RXRA: variants seen among roughly 807,000 people sequenced by gnomAD.
RXRA encodes the protein retinoid X receptor alpha, also known as retinoic acid receptor RXR-alpha.
Under a neutral mutation model 44.5 loss-of-function variants are expected in RXRA, and 5 were observed. That is an observed-to-expected ratio of 0.11 (90% CI 0.06 to 0.24). The LOEUF is 0.24. RXRA is among the 10% of genes least tolerant of loss of function. The pLI is 1.00. For synonymous variants in RXRA, 291 were observed against 271.4 expected (o/e 1.07, Z -0.71); for missense variants, 412 against 646.5 (o/e 0.64, Z 3.93).
At chr9:134,382,358 G>A (rs1198065231) in intron 1 of RXRA, among the ~76,000 whole-genome samples, 4 of 152,116 alleles carry the variant, frequency 2.6e-5, no homozygotes, top group African/African-American at 9.7e-5. Context: ...CACCTTGGCT[G>A]GGAGGAGTGA....
intron 3 of RXRA, 44 bp from the exon 4 acceptor site, chr9:134,408,896 G>T: frequency 7.0e-7 from 1 of 1,436,850 alleles, no homozygotes; most frequent in Non-Finnish European, 9.2e-7. Context: ...GCTCCCTGCC[G>T]GGGCGGTGGG....
chr9:134,372,760 C>G (rs1018557396), intron 1 of RXRA, among the ~76,000 whole-genome samples: 6 of 152,188 alleles, frequency 3.9e-5, no homozygotes, highest in African/African-American at 1.4e-4. Context: ...AGCACAGGGC[C>G]CAGCAGGGCG....
At chr9:134,421,590 C>T (rs191826122) in intron 5 of RXRA, 86 bp from the exon 6 acceptor site, 1,571 of 1,435,896 alleles carry the variant, frequency 1.1e-3, no homozygotes, top group Non-Finnish European at 1.3e-3. Context: ...ATGGGCCCAG[C>T]GTGTGGCAGG....
intron 9 of RXRA, among the ~76,000 whole-genome samples, chr9:134,436,087 C>T (rs751133311): frequency 2.0e-5 from 3 of 152,236 alleles, no homozygotes; most frequent in Non-Finnish European, 4.4e-5. Context: ...CTCAAGCCAT[C>T]CTCCCACCTC....
chr9:134,371,075 G>T (rs1014743758), intron 1 of RXRA, among the ~76,000 whole-genome samples: 1 of 152,138 alleles, frequency 6.6e-6, no homozygotes, highest in South Asian at 2.1e-4. Flanking sequence ...GGTCACCCTC[G>T]CTCTGGGACA....
At chr9:134,391,488 C>T (rs1830798999) in intron 1 of RXRA, among the ~76,000 whole-genome samples, 1 of 152,178 alleles carries the variant, frequency 6.6e-6, no homozygotes, top group South Asian at 2.1e-4. Flanking sequence ...GGCTGGGGGC[C>T]CCCTCGCCAC....
chr9:134,386,143 C>T (rs954896749), intron 1 of RXRA, among the ~76,000 whole-genome samples: 2 of 152,250 alleles, frequency 1.3e-5, no homozygotes, highest in South Asian at 2.1e-4. Context: ...TTGCTTGCGA[C>T]CAGCTCCAGG....
chr9:134,340,453 C>T (rs1554747987), intron 1 of RXRA, among the ~76,000 whole-genome samples: 2 of 152,244 alleles, frequency 1.3e-5, no homozygotes, highest in South Asian at 2.1e-4. Context: ...GAGTGAGGGC[C>T]GAGGGGCTTT....
intron 1 of RXRA, among the ~76,000 whole-genome samples, chr9:134,378,709 C>T (rs911507439): frequency 2.0e-5 from 3 of 152,142 alleles, no homozygotes; most frequent in African/African-American, 2.4e-5. Context: ...CCCTGGGCAG[C>T]GCGTGCCGTC....
At chr9:134,337,281 C>T (rs1830022067) in intron 1 of RXRA, among the ~76,000 whole-genome samples, 1 of 152,092 alleles carries the variant, frequency 6.6e-6, no homozygotes, top group African/African-American at 2.4e-5. Context: ...GAAGTAAGCG[C>T]CTCCCACCTG....
chr9:134,398,837 A>G (rs556811166), intron 1 of RXRA, among the ~76,000 whole-genome samples: 2 of 152,370 alleles, frequency 1.3e-5, no homozygotes, highest in South Asian at 4.1e-4. Flanking sequence ...AGGCCATTCC[A>G]AGGCCCGGCT....
At chr9:134,333,717 T>C (rs1456399249) in intron 1 of RXRA, among the ~76,000 whole-genome samples, 1 of 152,162 alleles carries the variant, frequency 6.6e-6, no homozygotes, top group African/African-American at 2.4e-5. Flanking sequence ...ATCCTGTAAT[T>C]GACCAATTTA....
chr9:134,436,911 C>T lies in RXRA; in HGVS notation c.*297C>T, dbSNP rs1035692834. 4 of 392,202 alleles carry T rather than the reference C, an allele frequency of 1.0e-5. No individual in the cohort carries two copies. The highest frequency in any genetic ancestry group is 1.4e-5 in the Non-Finnish European group (3 of 215,154). The allele number at this position is 392,202 out of a possible 1,614,324, so 24.3% of individuals were successfully genotyped here. A position where few individuals can be genotyped will look rare whatever the true frequency, so the allele number is the denominator to read the frequency against. Reference sequence around the variant, plus strand: ...TCTCAGGACACCCTGCCACACCCCACGGGGCTTGGGCGACTACAGGGTCTT... The same window carrying T: ...TCTCAGGACACCCTGCCACACCCCATGGGGCTTGGGCGACTACAGGGTCTT... On this transcript the variant is annotated 3_prime_UTR_variant, in exon 10 of 10. Transcript: ENST00000481739.
chr9:134,400,201 A>T (rs1184168564), intron 1 of RXRA, among the ~76,000 whole-genome samples: 1 of 152,132 alleles, frequency 6.6e-6, no homozygotes, highest in East Asian at 1.9e-4. Context: ...TGCCCATGAG[A>T]GGCCTGGCCC....
At chr9:134,413,895 G>A (rs754044572) in intron 4 of RXRA, among the ~76,000 whole-genome samples, 2 of 152,122 alleles carry the variant, frequency 1.3e-5, no homozygotes, top group Admixed American at 6.5e-5. Context: ...ACTGGGCTGC[G>A]GTGTGTGAGT....
In RXRA at chr9:134,401,514, C is replaced by T; in HGVS notation, c.29-118C>T. 4 of 1,539,532 alleles carry T rather than the reference C, an allele frequency of 2.6e-6. No homozygotes were observed. The South Asian group carries it at 4.6e-5, about 18-fold the overall frequency. ...GAGCTGTCGAGACCCACGGGGCCAC[C>T]TTGAGGGTGCCGGGGTCTTCCCGCA... On this transcript the variant is annotated intron_variant, in intron 1 of 9. Coordinates refer to ENST00000481739, the MANE Select transcript of RXRA (RefSeq NM_002957.6).
intron 6 of RXRA, chr9:134,424,752 T>C: frequency 1.0e-6 from 1 of 985,472 alleles, no homozygotes; most frequent in South Asian, 4.7e-5. Context: ...AAGGATACAC[T>C]GTGCCTGGCT....
Position 134,433,985 on chromosome 9 carries a change from A to T in RXRA, c.1136-117A>T. 1.4e-6 allele frequency: 1 copy of T among 697,270 alleles called. No homozygotes were observed. The highest frequency in any genetic ancestry group is 2.4e-6 in the Non-Finnish European group (1 of 410,406). The allele number at this position is 697,270 out of a possible 1,614,324, so 43.2% of individuals were successfully genotyped here. On this transcript the variant is annotated intron_variant, in intron 8 of 9. Coordinates refer to ENST00000481739, the MANE Select transcript of RXRA (RefSeq NM_002957.6). This position sits in a 1 kb window ranked among gnomAD's most constrained non-coding sequence, Gnocchi z 4.2. ...GCATGTCCAGCGGCATTCCTCCACC[A>T]CCTGCTCTGCCCATGGTGGGGCAGC...
intron 1 of RXRA, among the ~76,000 whole-genome samples, chr9:134,386,434 T>A (rs1259583687): frequency 6.6e-6 from 1 of 152,186 alleles, no homozygotes; most frequent in East Asian, 1.9e-4. Flanking sequence ...CCTGGGTGGG[T>A]GCCTGTGTCT....
Sources: allele counts gnomAD v4.1 joint callset (sites outside exome capture counted in the v4.1 genomes callset), GRCh38; gene constraint gnomAD v4.1.1; non-coding constraint Gnocchi (gnomAD v3.1); transcripts MANE v1.5; gene names NCBI Gene and HGNC (gene_info 2026-07-23, HGNC 2026-07-21).